SV2C: variants seen among roughly 807,000 people sequenced by gnomAD.
SV2C encodes the protein synaptic vesicle glycoprotein 2C, also known as solute carrier family 22 member B3.
In SV2C, 49 loss-of-function variants were observed where a neutral mutation model predicts 79.7. The observed-to-expected ratio is 0.61, with a 90% CI of 0.49 to 0.78. The LOEUF is 0.78. Among genes scored for constraint, SV2C ranks in the 30% least tolerant of loss-of-function variants. The probability of loss-of-function intolerance (pLI) is 0.00; values close to 1 mark genes in which losing one functional copy is unlikely to be tolerated. For missense variants in SV2C, 833 were observed against 912.9 expected, an observed-to-expected ratio of 0.91 and a Z score of 1.13; for synonymous variants, 334 against 333.2, an observed-to-expected ratio of 1.00 and a Z score of -0.03.
intron 1 of SV2C, among the ~76,000 whole-genome samples, chr5:76,085,547 G>A (rs1434406815): frequency 6.6e-6 from 1 of 151,948 alleles, no homozygotes; most frequent in Non-Finnish European, 1.5e-5. Context: ...TGGGAAAAAA[G>A]AAAGAAAGGA....
chr5:76,141,942 C>T (rs567610019), intron 2 of SV2C, among the ~76,000 whole-genome samples: 2 of 151,746 alleles, frequency 1.3e-5, no homozygotes, highest in East Asian at 3.9e-4. Flanking sequence ...AATACAGACT[C>T]ATAGGTTTGA....
chr5:76,242,957 T>C lies in SV2C; in HGVS notation c.913+33070T>C, dbSNP rs112278292. On this transcript the variant is annotated intron_variant, in intron 4 of 12. Transcript: ENST00000502798. ...TGAGCCTGGGAGTTTGAGGCCGCAG[T>C]GAGCTAAGATCACACCACTGCACTC... Among the ~76,000 whole-genome samples the C allele has an allele frequency of 6.2e-5, 8 of 128,188 alleles. 1 individual carries two copies. Among genetic ancestry groups the C allele is most frequent in the African/African-American group, 2.4e-4 (8 of 32,934 alleles). The allele number at this position is 128,188 out of a possible 152,430, so 84.1% of individuals were successfully genotyped here. A position where few individuals can be genotyped will look rare whatever the true frequency, so the allele number is the denominator to read the frequency against.
At chr5:76,231,882 A>G (rs1368484600) in intron 4 of SV2C, among the ~76,000 whole-genome samples, 2 of 145,484 alleles carry the variant, frequency 1.4e-5, no homozygotes, top group African/African-American at 2.8e-5. Context: ...ATTGTGAATA[A>G]TGCCGCAATA....
intron 6 of SV2C, among the ~76,000 whole-genome samples, chr5:76,287,283 G>A (rs569295079): frequency 6.6e-6 from 1 of 152,278 alleles, no homozygotes; most frequent in Admixed American, 6.5e-5. Flanking sequence ...TTTGGTAAAG[G>A]AAAGTAGCTA....
At chr5:75,934,574 T>A in the SV2C span, among the ~76,000 whole-genome samples, 8 of 152,110 alleles carry the variant, frequency 5.3e-5, no homozygotes, top group African/African-American at 1.9e-4. Flanking sequence ...GCTTTAGCCG[T>A]CGTGCCTGGC....
the SV2C span, among the ~76,000 whole-genome samples, chr5:75,998,730 C>T: frequency 6.6e-6 from 1 of 151,850 alleles, no homozygotes; most frequent in Admixed American, 6.6e-5. Flanking sequence ...CTCCAGCTTG[C>T]AGATGGAAGA....
the SV2C span, among the ~76,000 whole-genome samples, chr5:76,047,508 AT>A: frequency 5.9e-5 from 9 of 152,144 alleles, no homozygotes; most frequent in Non-Finnish European, 1.3e-4. Context: ...TTCTGATGGC[AT>A]TTGGGTTGTT....
intron 4 of SV2C, among the ~76,000 whole-genome samples, chr5:76,243,280 A>G (rs889672967): frequency 6.6e-6 from 1 of 152,194 alleles, no homozygotes; most frequent in African/African-American, 2.4e-5. Flanking sequence ...AGGGACTTAC[A>G]AACCTCAAGT....
chr5:76,002,434 C>T, the SV2C span, among the ~76,000 whole-genome samples: 1 of 152,264 alleles, frequency 6.6e-6, no homozygotes, highest in Admixed American at 6.5e-5. Context: ...GAGGCAGTGA[C>T]TGCTAGTGGA....
chr5:76,352,604 C>T (rs1026082445), intron 12 of SV2C, among the ~76,000 whole-genome samples: 2 of 152,194 alleles, frequency 1.3e-5, no homozygotes, highest in Admixed American at 1.3e-4. Context: ...TCCCTTGGAC[C>T]TCTCAGCCTT....
the SV2C span, among the ~76,000 whole-genome samples, chr5:76,078,161 A>G: frequency 1.3e-5 from 2 of 152,192 alleles, no homozygotes; most frequent in East Asian, 3.9e-4. Flanking sequence ...TGGAAGTAGC[A>G]ATGCAGAACA....
the SV2C span, among the ~76,000 whole-genome samples, chr5:76,036,540 A>G: frequency 6.6e-6 from 1 of 152,100 alleles, no homozygotes; most frequent in East Asian, 1.9e-4. Flanking sequence ...CTGGGTTGAA[A>G]ATTCTTTTCT....
chr5:75,895,303 C>T, the SV2C span, among the ~76,000 whole-genome samples: 131 of 152,090 alleles, frequency 8.6e-4, no homozygotes, highest in African/African-American at 3.1e-3. Flanking sequence ...AAAAAGCAAT[C>T]AATAGAAATT....
chr5:76,096,575 G>C lies in SV2C; in HGVS notation c.-102+13063G>C, dbSNP rs543334051. Among the ~76,000 whole-genome samples, 4 of 152,226 alleles carry C rather than the reference G, an allele frequency of 2.6e-5. No individual in the cohort carries two copies. The South Asian group carries it at 8.3e-4, about 32-fold the overall frequency. Reference sequence around the variant, plus strand: ...ATAAATTACCCAGTTCATGTTTTCTGCGTGGAGGTGGCAGAAGTATGTGAA... The same window carrying C: ...ATAAATTACCCAGTTCATGTTTTCTCCGTGGAGGTGGCAGAAGTATGTGAA... On this transcript the variant is annotated intron_variant, in intron 1 of 12. Coordinates refer to ENST00000502798, the MANE Select transcript of SV2C (RefSeq NM_014979.4).
the SV2C span, among the ~76,000 whole-genome samples, chr5:76,054,160 C>T: frequency 6.6e-6 from 1 of 152,120 alleles, no homozygotes. Flanking sequence ...ACCCCCCTGA[C>T]AGGCCCCGGT....
intron 4 of SV2C, among the ~76,000 whole-genome samples, chr5:76,248,799 A>G (rs1746025193): frequency 6.6e-6 from 1 of 151,986 alleles, no homozygotes; most frequent in Non-Finnish European, 1.5e-5. Context: ...TTGTATTTTT[A>G]GTAGAGACAG....
intron 4 of SV2C, among the ~76,000 whole-genome samples, chr5:76,245,359 GCAAGGA>G (rs1328709664): frequency 3.9e-5 from 6 of 152,112 alleles, no homozygotes; most frequent in Admixed American, 2.6e-4. Context: ...CCAGGATGGG[GCAAGGA>G]CCAGGGATGA....
At chr5:76,143,398 T>C (rs1253064674) in intron 2 of SV2C, among the ~76,000 whole-genome samples, 2 of 152,122 alleles carry the variant, frequency 1.3e-5, no homozygotes, top group Admixed American at 1.3e-4. Context: ...CACGTCCAAC[T>C]CTATGTTAGC....
In SV2C at chr5:76,227,997, G is replaced by A. The variant is rs528501649; in HGVS notation, c.913+18110G>A. On this transcript the variant is annotated intron_variant, in intron 4 of 12. Transcript: ENST00000502798. ...GAGGTTTTATCATTGCTAAGCTACTGCAAGATTATTGTAATTGAAATGGTT... is the reference window on the plus strand; with the variant it reads ...GAGGTTTTATCATTGCTAAGCTACTACAAGATTATTGTAATTGAAATGGTT... 1.2e-4 allele frequency among the ~76,000 whole-genome samples: 19 copies of A among 152,222 alleles called. 1 individual carries two copies. Among genetic ancestry groups the A allele is most frequent in the Admixed American group, 1.1e-3 (17 of 15,280 alleles).
Sources: gnomAD v4.1 joint callset for allele counts (sites outside exome capture counted in the v4.1 genomes callset) on GRCh38, gnomAD v4.1.1 for gene constraint, MANE v1.5 for transcripts, NCBI Gene and HGNC (gene_info 2026-07-23, HGNC 2026-07-21) for gene names.